SLC5A5: variants seen among roughly 807,000 people sequenced by gnomAD.
SLC5A5 encodes solute carrier family 5 member 5.
In SLC5A5, 56 loss-of-function variants were observed where a neutral mutation model predicts 68.6. That is an observed-to-expected ratio of 0.82 (90% CI 0.66 to 1.02). The LOEUF is 1.02. SLC5A5 is among the 50% of genes least tolerant of loss of function. The pLI is 0.00. For missense variants in SLC5A5, 807 were observed against 859.8 expected (o/e 0.94, Z 0.77); for synonymous variants, 398 against 373.0 (o/e 1.07, Z -0.77).
chr19:17,884,639 G>A (rs1299061194), intron 12 of SLC5A5, among the ~76,000 whole-genome samples: 2 of 151,598 alleles, frequency 1.3e-5, no homozygotes, highest in Non-Finnish European at 2.9e-5. Context: ...CAAGCGTGGT[G>A]GCAGGTGCCT....
intron 8 of SLC5A5, among the ~76,000 whole-genome samples, 192 bp from the exon 9 acceptor site, chr19:17,881,768 G>A (rs955337586): frequency 1.3e-5 from 2 of 151,886 alleles, no homozygotes; most frequent in African/African-American, 2.4e-5. Context: ...ACCTGCCCTT[G>A]GTCACAGGTG....
At chr19:17,889,474 A>G (rs1025039463) in intron 13 of SLC5A5, among the ~76,000 whole-genome samples, 2 of 147,818 alleles carry the variant, frequency 1.4e-5, no homozygotes, top group Non-Finnish European at 3.0e-5. Context: ...GAAGGAGAGA[A>G]AGAGAGAGAG....
chr19:17,894,172 G>A lies in SLC5A5; in HGVS notation c.*295G>A. On this transcript the variant is annotated 3_prime_UTR_variant, in exon 15 of 15. Coordinates refer to ENST00000222248, the MANE Select transcript of SLC5A5 (RefSeq NM_000453.3). Reference sequence around the variant, plus strand: ...TTTTTTTTTTTTTTTTTTTGAGACAGGGTCATGCTCTGTCACCCAGGCTGG... The same window carrying A: ...TTTTTTTTTTTTTTTTTTTGAGACAAGGTCATGCTCTGTCACCCAGGCTGG... 1 of 352,150 alleles carries A rather than the reference G, an allele frequency of 2.8e-6. No homozygotes were observed. Among genetic ancestry groups the A allele is most frequent in the Admixed American group, 4.5e-5 (1 of 22,182 alleles). The allele number at this position is 352,150 out of a possible 1,614,324, so 21.8% of individuals were successfully genotyped here. A position where few individuals can be genotyped will look rare whatever the true frequency, so the allele number is the denominator to read the frequency against.
At chr19:17,892,279 CA>C (rs2147756576) in intron 14 of SLC5A5, among the ~76,000 whole-genome samples, 1 of 147,314 alleles carries the variant, frequency 6.8e-6, no homozygotes, top group Admixed American at 6.9e-5. Context: ...GCCTGGGTGA[CA>C]GAGCAAGACT....
intron 5 of SLC5A5, among the ~76,000 whole-genome samples, chr19:17,876,631 A>G (rs937930985): frequency 6.6e-6 from 1 of 152,188 alleles, no homozygotes; most frequent in African/African-American, 2.4e-5. Context: ...TGGGAGGCCA[A>G]GGATGGCAGA....
In SLC5A5 at chr19:17,882,174, C is replaced by T. The variant is rs201557802; in HGVS notation, c.1197C>T (p.Leu399=). The part of the protein sequence containing the change: ...GLSLIYGSAC[L]TVAALSSLLG... ...CACTCATCTACGGATCGGCCTGTCTCACCGTGGCAGCCCTGTCCTCACTGC... is the reference window on the plus strand; with the variant it reads ...CACTCATCTACGGATCGGCCTGTCTTACCGTGGCAGCCCTGTCCTCACTGC... Residue 399 remains leucine (L), a synonymous_variant, in exon 10 of 15, where the codon CTC becomes CTT. Coordinates refer to ENST00000222248, the MANE Select transcript of SLC5A5 (RefSeq NM_000453.3). 6.2e-7 allele frequency: 1 copy of T among 1,614,098 alleles called. No individual in the cohort carries two copies. Among genetic ancestry groups the T allele is most frequent in the Non-Finnish European group, 8.5e-7 (1 of 1,180,022 alleles).
At chr19:17,884,806 T>G (rs907348584) in intron 12 of SLC5A5, among the ~76,000 whole-genome samples, 2 of 151,752 alleles carry the variant, frequency 1.3e-5, no homozygotes, top group Non-Finnish European at 2.9e-5. Flanking sequence ...TTTAGTATAT[T>G]TGTGCAACCA....
chr19:17,885,845 T>C (rs2029895988), intron 12 of SLC5A5, among the ~76,000 whole-genome samples: 1 of 151,980 alleles, frequency 6.6e-6, no homozygotes, highest in Non-Finnish European at 1.5e-5. Context: ...ATATGTGATC[T>C]TTTGTGTCTT....
At chr19:17,890,737 C>A in intron 13 of SLC5A5, 149 bp from the exon 14 acceptor site, 1 of 677,530 alleles carries the variant, frequency 1.5e-6, no homozygotes, top group South Asian at 1.6e-5. Context: ...AACTGAGGCT[C>A]AGAGGCTTGC....
chr19:17,877,982 GGTCGGC>G lies in SLC5A5; in HGVS notation c.859_864del (p.Val287_Gly288del), dbSNP rs2094311575. The stretch of plus-strand genomic sequence containing the variant: ...CCCCCAGGGCCCTGCTCATCAACCA[GGTCGGC>G]CTGTTCCTGATCGTGTCCAGCGCTG... On this transcript the variant is annotated inframe_deletion, in exon 7 of 15. Coordinates refer to ENST00000222248, the MANE Select transcript of SLC5A5 (RefSeq NM_000453.3). 2 of 1,613,472 alleles carry G rather than the reference GGTCGGC, an allele frequency of 1.2e-6. No homozygotes were observed. The highest frequency in any genetic ancestry group is 1.7e-6 in the Non-Finnish European group (2 of 1,180,038).
At chr19:17,880,545 A>T (rs1205164728) in intron 7 of SLC5A5, among the ~76,000 whole-genome samples, 1 of 152,140 alleles carries the variant, frequency 6.6e-6, no homozygotes, top group East Asian at 1.9e-4. Context: ...AAATTTAAAA[A>T]AATTAGCCAG....
chr19:17,889,089 A>G (rs2030050899), intron 13 of SLC5A5, among the ~76,000 whole-genome samples: 1 of 151,832 alleles, frequency 6.6e-6, no homozygotes. Context: ...GTATATATAT[A>G]TAGTTTCTTT....
intron 7 of SLC5A5, among the ~76,000 whole-genome samples, chr19:17,879,904 A>AT (rs59015155): frequency 0.19 from 28,454 of 146,074 alleles, 2,826 homozygotes; most frequent in Middle Eastern, 0.22. Context: ...TCTTTACACA[A>AT]TTTTTTTTTT....
At chr19:17,893,480 A>C (rs992743580) in intron 14 of SLC5A5, among the ~76,000 whole-genome samples, 2 of 152,160 alleles carry the variant, frequency 1.3e-5, no homozygotes, top group Non-Finnish European at 2.9e-5. Flanking sequence ...GCATCTGAGA[A>C]AGCGTTGATG....
chr19:17,892,652 C>CAGAGAGAGAGAGAGAGAGAGAGAGAG (rs58081153), intron 14 of SLC5A5, among the ~76,000 whole-genome samples: 5 of 97,400 alleles, frequency 5.1e-5, no homozygotes, highest in South Asian at 4.5e-4. Context: ...AAAGAAAAGA[C>CAGAGAGAGAGAGAGAGAGAGAGAGAG]AGAGAGAGAG....
rs574999221 is a variant in SLC5A5 at position 17,878,009 on chromosome 19, C to T, written c.885C>T (p.Ser295=). 72 of 1,613,386 alleles carry T rather than the reference C, an allele frequency of 4.5e-5. No individual in the cohort carries two copies. The highest frequency in any genetic ancestry group is 5.3e-5 in the Non-Finnish European group (63 of 1,180,006). ...NQVGLFLIVS[S]AACCGIVMFV... ...TCGGCCTGTTCCTGATCGTGTCCAG[C>T]GCTGCCTGCTGTGGCATCGTCATGT... The change falls in exon 7 of 15, where the codon AGC becomes AGT. Residue 295 remains serine, a synonymous_variant. Coordinates refer to ENST00000222248, the MANE Select transcript of SLC5A5 (RefSeq NM_000453.3).
In SLC5A5 at chr19:17,891,857, G is replaced by A. The variant is rs2030184285; in HGVS notation, c.1767+856G>A. ...TCCCTGTTCCATTCTCTCATTTATT[G>A]AGCACCTGCTGTGTACCCAGTCCTG... On this transcript the variant is annotated intron_variant, in intron 14 of 14. Transcript: ENST00000222248. Among the ~76,000 whole-genome samples the A allele has an allele frequency of 3.9e-5, 6 of 152,078 alleles. No homozygotes were observed. In the South Asian group the frequency reaches 1.2e-3, roughly 32 times the overall value.
At chr19:17,892,648 A>AAGACAG (rs1768684725) in intron 14 of SLC5A5, among the ~76,000 whole-genome samples, 1 of 58,634 alleles carries the variant, frequency 1.7e-5, no homozygotes, top group Non-Finnish European at 4.0e-5. Flanking sequence ...AAAGAAAGAA[A>AAGACAG]AGACAGAGAG....
chr19:17,872,466 CG>C lies in SLC5A5; in HGVS notation c.152del (p.Gly51AlafsTer46), dbSNP rs2094296642. On this transcript the variant is annotated frameshift_variant, in exon 1 of 15. Coordinates refer to ENST00000222248, the MANE Select transcript of SLC5A5 (RefSeq NM_000453.3). LOFTEE classifies it high-confidence loss of function. ...GQRSAEDFFTGGRRLAALPVG... is the reference protein window; with the variant it reads ...GQRSAEDFFTXGRRLAALPVG... ...AGCGCAGCGCTGAGGACTTCTTCAC[CG>C]GGGGCCGGCGCCTGGCGGCCCTGCC... is the stretch of plus-strand genomic sequence containing the variant. 2 of 1,611,082 alleles carry C rather than the reference CG, an allele frequency of 1.2e-6. No individual in the cohort carries two copies. The highest frequency in any genetic ancestry group is 8.5e-7 in the Non-Finnish European group (1 of 1,179,108).
Sources: allele counts gnomAD v4.1 joint callset (sites outside exome capture counted in the v4.1 genomes callset), GRCh38; gene constraint gnomAD v4.1.1; transcripts MANE v1.5; gene names NCBI Gene and HGNC (gene_info 2026-07-23, HGNC 2026-07-21).